HELZ: variants seen among roughly 807,000 people sequenced by gnomAD.
HELZ encodes the protein helicase with zinc finger, also known as ATP-dependent RNA helicase with zinc finger domain.
HELZ carries 23 observed loss-of-function variants against 218.2 expected under a neutral mutation model. The observed-to-expected ratio is 0.11, with a 90% CI of 0.08 to 0.15. The LOEUF (loss-of-function observed/expected upper bound fraction) is 0.15, where lower values mean the gene tolerates loss of function less well. HELZ is among the 10% of genes least tolerant of loss of function. The probability of loss-of-function intolerance (pLI) is 1.00; values close to 1 mark genes in which losing one functional copy is unlikely to be tolerated. For synonymous variants in HELZ, 814 were observed against 829.4 expected (o/e 0.98, Z 0.32); for missense variants, 1,813 against 2,353.7 (o/e 0.77, Z 4.75).
At position 67,114,371 on chromosome 17, in the gene HELZ, T is replaced by C; in HGVS notation, c.3871A>G (p.Ile1291Val). 2 of 1,611,316 alleles carry C rather than the reference T, an allele frequency of 1.2e-6. No individual in the cohort carries two copies. The highest frequency in any genetic ancestry group is 1.3e-5 in the African/African-American group (1 of 75,000). The change falls in exon 28 of 33, where the codon ATT becomes GTT. Residue 1291 changes from isoleucine (I) to valine (V), a missense_variant. Transcript: ENST00000358691. Reference protein sequence around the residue: ...KSDTNNSGPEINKIRTPEKKP... With the variant: ...KSDTNNSGPEVNKIRTPEKKP... ...TTCTCTGGTGTTCGAATCTTATTAATTTCAGGTCCGGAATTATTTGTATCA... is the reference window on the plus strand; with the variant it reads ...TTCTCTGGTGTTCGAATCTTATTAACTTCAGGTCCGGAATTATTTGTATCA...
intron 1 of HELZ, 178 bp downstream of exon 1, chr17:67,244,970 C>T: frequency 1.0e-6 from 1 of 985,940 alleles, no homozygotes; most frequent in Non-Finnish European, 1.2e-6. Flanking sequence ...GTCCGGGCCT[C>T]GCCTCGAAGA....
In HELZ at chr17:67,077,153, A is replaced by C. The variant is rs944183224; in HGVS notation, c.*1099T>G. The C allele has an allele frequency of 2.0e-5, 3 of 152,622 alleles. No homozygotes were observed. Among genetic ancestry groups the C allele is most frequent in the African/African-American group, 7.2e-5 (3 of 41,454 alleles). 9.5% of individuals were successfully genotyped at this position (152,622 alleles called of 1,614,324 possible). A position where few individuals can be genotyped will look rare whatever the true frequency, so the allele number is the denominator to read the frequency against. ...TAGTTTTCTGCCCCAGATTCTGATG[A>C]ATTTTGATACATTTTTGACAAACAT... On this transcript the variant is annotated 3_prime_UTR_variant, in exon 33 of 33. Coordinates refer to ENST00000358691, the MANE Select transcript of HELZ (RefSeq NM_014877.4).
intron 12 of HELZ, among the ~76,000 whole-genome samples, chr17:67,182,287 CA>C (rs927397281): frequency 5.3e-5 from 8 of 150,388 alleles, no homozygotes; most frequent in Non-Finnish European, 1.2e-4. Context: ...ACTAAAAATA[CA>C]AAAAAAAATA....
intron 28 of HELZ, among the ~76,000 whole-genome samples, chr17:67,112,215 C>G (rs1200652460): frequency 6.6e-6 from 1 of 152,056 alleles, no homozygotes; most frequent in Non-Finnish European, 1.5e-5. Context: ...TTTCCTGGGC[C>G]CCAAGACAAA....
At chr17:67,208,786 A>G (rs2040371160) in intron 5 of HELZ, among the ~76,000 whole-genome samples, 2 of 151,714 alleles carry the variant, frequency 1.3e-5, no homozygotes, top group South Asian at 4.2e-4. Flanking sequence ...AACAGAAAAA[A>G]ATTAGCCGGT....
rs57572316 is a variant in HELZ at position 67,077,719 on chromosome 17, CAA to C, written c.*531_*532del. On this transcript the variant is annotated 3_prime_UTR_variant, in exon 33 of 33. Coordinates refer to ENST00000358691, the MANE Select transcript of HELZ (RefSeq NM_014877.4). Reference sequence around the variant, plus strand: ...GTTTTAGAATGCAGCATCGTGTCACCAAAAAAAAAAAAAAAGCTGATAAAACT... The same window carrying C: ...GTTTTAGAATGCAGCATCGTGTCACCAAAAAAAAAAAAAGCTGATAAAACT... The C allele has an allele frequency of 1.4e-4, 19 of 131,908 alleles. No individual in the cohort carries two copies. Among genetic ancestry groups the C allele is most frequent in the Non-Finnish European group, 2.5e-4 (15 of 61,202 alleles). The allele number at this position is 131,908 out of a possible 1,614,324, so 8.2% of individuals were successfully genotyped here.
Position 67,078,374 on chromosome 17 carries a change from G to A in HELZ, c.5707C>T (p.Pro1903Ser). 6.2e-7 allele frequency: 1 copy of A among 1,610,804 alleles called. No individual in the cohort carries two copies. The highest frequency in any genetic ancestry group is 8.5e-7 in the Non-Finnish European group (1 of 1,178,990). The change falls in exon 33 of 33, where the codon CCT becomes TCT. Residue 1903 changes from proline (P) to serine (S), a missense_variant. By Grantham distance (74) the Pro-to-Ser change is moderately conservative. Transcript: ENST00000358691. ...AMSYASALRA[P>S]PKPRPPPEQA... is the part of the protein sequence containing the mutation. ...TCAGGAGGGGGCCTGGGCTTTGGAG[G>A]GGCCCGCAGAGCGCTGGCATAGGAC...
chr17:67,170,677 A>G (rs1029684973), intron 13 of HELZ, among the ~76,000 whole-genome samples: 1 of 151,924 alleles, frequency 6.6e-6, no homozygotes, highest in Non-Finnish European at 1.5e-5. Flanking sequence ...AAACACAAAA[A>G]TTACCTGGGC....
chr17:67,244,955 C>G, intron 1 of HELZ, 193 bp downstream of exon 1: 5 of 985,848 alleles, frequency 5.1e-6, no homozygotes, highest in Non-Finnish European at 6.0e-6. Context: ...GTAAACAGCC[C>G]CAGCGTCCGG....
At chr17:67,103,198 T>G (rs2036983374) in intron 31 of HELZ, among the ~76,000 whole-genome samples, 1 of 152,154 alleles carries the variant, frequency 6.6e-6, no homozygotes, top group Admixed American at 6.5e-5. Context: ...AAAGCTGTCA[T>G]AATCCATTTT....
At chr17:67,244,291 G>A (rs2041406729) in intron 1 of HELZ, among the ~76,000 whole-genome samples, 1 of 152,128 alleles carries the variant, frequency 6.6e-6, no homozygotes, top group African/African-American at 2.4e-5. Flanking sequence ...TAAGTTGTGA[G>A]GGAGAAGGAA....
chr17:67,092,664 T>C (rs1400985223), intron 31 of HELZ, among the ~76,000 whole-genome samples: 1 of 152,150 alleles, frequency 6.6e-6, no homozygotes, highest in Non-Finnish European at 1.5e-5. Context: ...AAGTTGCTTT[T>C]TAGTGAAAGA....
intron 27 of HELZ, among the ~76,000 whole-genome samples, chr17:67,118,539 C>A (rs896868892): frequency 4.0e-5 from 6 of 151,652 alleles, no homozygotes; most frequent in Non-Finnish European, 8.8e-5. Flanking sequence ...AAAGCTGCTG[C>A]TCTTTGAAAG....
chr17:67,123,087 G>C lies in HELZ; in HGVS notation c.3513C>G (p.His1171Gln), dbSNP rs1023113032. The C allele has an allele frequency of 3.7e-6, 6 of 1,613,318 alleles. No homozygotes were observed. The highest frequency in any genetic ancestry group is 1.7e-5 in the Admixed American group (1 of 59,996). ...AYTPPPPLGP[H>Q]PNLGKSPSPV... ...GGCTTGGAGATTTTCCCAAATTTGGGTGAGGTCCAAGAGGGGGTGGAGGAG... is the reference window on the plus strand; with the variant it reads ...GGCTTGGAGATTTTCCCAAATTTGGCTGAGGTCCAAGAGGGGGTGGAGGAG... The change falls in exon 26 of 33, where the codon CAC becomes CAG. Residue 1171 changes from histidine (H) to glutamine (Q), a missense_variant. Transcript: ENST00000358691.
intron 31 of HELZ, among the ~76,000 whole-genome samples, chr17:67,091,509 T>G (rs905082791): frequency 6.6e-6 from 1 of 152,122 alleles, no homozygotes; most frequent in African/African-American, 2.4e-5. Context: ...AATGAAACAA[T>G]AGATCTAAGC....
intron 32 of HELZ, among the ~76,000 whole-genome samples, chr17:67,080,864 G>A (rs2036167505): frequency 6.6e-6 from 1 of 152,120 alleles, no homozygotes. Context: ...GAGGGCACAG[G>A]AGAGACTAGT....
chr17:67,159,763 TG>T (rs1436440900), intron 17 of HELZ, among the ~76,000 whole-genome samples: 1 of 152,178 alleles, frequency 6.6e-6, no homozygotes, highest in Non-Finnish European at 1.5e-5. Flanking sequence ...TAGCAAAAGT[TG>T]TTAAATACCA....
chr17:67,094,333 A>AGAG (rs1555597035), intron 31 of HELZ, among the ~76,000 whole-genome samples: 3 of 146,628 alleles, frequency 2.0e-5, no homozygotes, highest in African/African-American at 5.3e-5. Context: ...AAAAAAAAAA[A>AGAG]AGAGAGAGAG....
chr17:67,122,889 G>T, intron 26 of HELZ, 81 bp downstream of exon 26: 1 of 1,009,680 alleles, frequency 9.9e-7, no homozygotes, highest in Non-Finnish European at 1.4e-6. Flanking sequence ...GAAGTTGGTA[G>T]AATGCTATTT....
Sources: allele counts gnomAD v4.1 joint callset (sites outside exome capture counted in the v4.1 genomes callset), GRCh38; gene constraint gnomAD v4.1.1; transcripts MANE v1.5; gene names NCBI Gene and HGNC (gene_info 2026-07-23, HGNC 2026-07-21).